The following SPOCK3 variants were observed in gnomAD, a reference collection of about 807,000 sequenced individuals.
SPOCK3 encodes testican-3.
In SPOCK3, 30 loss-of-function variants were observed where a neutral mutation model predicts 56.6. The observed-to-expected ratio is 0.53, with a 90% CI of 0.40 to 0.72. The LOEUF (loss-of-function observed/expected upper bound fraction) is 0.72, where lower values mean the gene tolerates loss of function less well. Ranked by LOEUF, SPOCK3 falls within the 30% of genes least tolerant of loss-of-function variation. SPOCK3 has a pLI of 0.00. For synonymous variants in SPOCK3, 196 were observed against 183.3 expected (o/e 1.07, Z -0.56); for missense variants, 527 against 530.0 (o/e 0.99, Z 0.06).
intron 5 of SPOCK3, among the ~76,000 whole-genome samples, chr4:166,900,588 T>C (rs1019994135): frequency 1.3e-5 from 2 of 152,186 alleles, no homozygotes; most frequent in Non-Finnish European, 2.9e-5. Context: ...CCCTGGTCGC[T>C]ATGCCCTCCA....
intron 8 of SPOCK3, among the ~76,000 whole-genome samples, chr4:166,750,936 T>C (rs1263176283): frequency 6.6e-6 from 1 of 152,144 alleles, no homozygotes; most frequent in Non-Finnish European, 1.5e-5. Flanking sequence ...AATCTCTAAG[T>C]TGGCAGCATA....
At chr4:167,102,449 T>G (rs143478910) in intron 2 of SPOCK3, 1 of 152,300 alleles carries the variant, frequency 6.6e-6, no homozygotes, top group East Asian at 1.9e-4. Flanking sequence ...TGGTTTTACT[T>G]CATATCACCA....
intron 2 of SPOCK3, among the ~76,000 whole-genome samples, chr4:167,230,411 G>T (rs1737037212): frequency 6.7e-6 from 1 of 149,634 alleles, no homozygotes; most frequent in Non-Finnish European, 1.5e-5. Context: ...CTTTACTCCT[G>T]CTCTGGGAGA....
chr4:166,793,603 C>T (rs189858959), intron 6 of SPOCK3, among the ~76,000 whole-genome samples: 2 of 152,280 alleles, frequency 1.3e-5, no homozygotes, highest in East Asian at 3.9e-4. Context: ...TAAAAGGAAT[C>T]CCCCAGTACC....
intron 6 of SPOCK3, among the ~76,000 whole-genome samples, chr4:166,854,615 A>C (rs951085417): frequency 6.6e-6 from 1 of 152,212 alleles, no homozygotes; most frequent in East Asian, 1.9e-4. Context: ...TTAAGAATTT[A>C]ATTACTGAAA....
chr4:167,030,809 T>C (rs948419713), intron 3 of SPOCK3, among the ~76,000 whole-genome samples: 3 of 151,996 alleles, frequency 2.0e-5, no homozygotes, highest in Admixed American at 1.3e-4. Flanking sequence ...AATCCTAGTT[T>C]TTAAATAAAG....
chr4:167,147,080 GA>G (rs1764025175), intron 2 of SPOCK3, among the ~76,000 whole-genome samples: 1 of 151,756 alleles, frequency 6.6e-6, no homozygotes, highest in Admixed American at 6.6e-5. Flanking sequence ...TAATAAAGAA[GA>G]AAAGAGAGAA....
rs28600783 is a variant in SPOCK3, at chr4:166,741,909, G to C, written c.994+88C>G. ...CTGAAATTTAGTGCAGTCTATCTTT[G>C]TTGGATTAATATTGATTTTATGTTG... is the stretch of plus-strand genomic sequence containing the variant. On this transcript the variant is annotated intron_variant, in intron 9 of 10. Transcript: ENST00000357545. 2,337 of 961,994 alleles carry C rather than the reference G, an allele frequency of 2.4e-3. 39 individuals are homozygous for C. The African/African-American group carries it at 0.033, about 14-fold the overall frequency. 59.6% of individuals were successfully genotyped at this position (961,994 alleles called of 1,614,324 possible).
chr4:167,020,541 C>G (rs546518255), intron 3 of SPOCK3, among the ~76,000 whole-genome samples: 1 of 152,142 alleles, frequency 6.6e-6, no homozygotes, highest in South Asian at 2.1e-4. Flanking sequence ...TGAGTTCACT[C>G]TCACTCTTCT....
chr4:167,058,495 A>T (rs1268468833), intron 3 of SPOCK3, among the ~76,000 whole-genome samples: 1 of 152,180 alleles, frequency 6.6e-6, no homozygotes, highest in Non-Finnish European at 1.5e-5. Flanking sequence ...TCAATGAAAT[A>T]AAAGAGGATA....
At chr4:166,974,654 C>T (rs1286675964) in intron 4 of SPOCK3, among the ~76,000 whole-genome samples, 1 of 152,218 alleles carries the variant, frequency 6.6e-6, no homozygotes, top group African/African-American at 2.4e-5. Flanking sequence ...CTCACTACAC[C>T]AAAAATATTT....
At chr4:166,952,679 A>G (rs928838432) in intron 4 of SPOCK3, among the ~76,000 whole-genome samples, 3 of 152,194 alleles carry the variant, frequency 2.0e-5, no homozygotes, top group African/African-American at 7.2e-5. Context: ...CCTGACTTCA[A>G]ACGATACTAC....
At chr4:167,069,839 A>G (rs910520449) in intron 2 of SPOCK3, among the ~76,000 whole-genome samples, 3 of 151,972 alleles carry the variant, frequency 2.0e-5, no homozygotes, top group Non-Finnish European at 1.5e-5. Context: ...CTGAGGAATC[A>G]TGTAGCAACT....
intron 3 of SPOCK3, among the ~76,000 whole-genome samples, chr4:167,060,732 TATC>T (rs1394109142): frequency 6.6e-6 from 1 of 152,098 alleles, no homozygotes; most frequent in East Asian, 1.9e-4. Flanking sequence ...TTGATAGTGT[TATC>T]ATATGAGTGG....
intron 2 of SPOCK3, among the ~76,000 whole-genome samples, chr4:167,223,026 ATATAT>A (rs1230082281): frequency 2.4e-4 from 29 of 121,316 alleles, no homozygotes; most frequent in South Asian, 7.3e-4. Flanking sequence ...TGAATATATA[ATATAT>A]TATATTTTAT....
chr4:167,168,787 G>A (rs1018050880), intron 2 of SPOCK3, among the ~76,000 whole-genome samples: 2 of 152,114 alleles, frequency 1.3e-5, no homozygotes, highest in Non-Finnish European at 2.9e-5. Flanking sequence ...GGCAGAGCAT[G>A]GCACAGACCT....
Position 166,734,828 on chromosome 4 carries a change from C to A in SPOCK3, c.*93G>T. On this transcript the variant is annotated 3_prime_UTR_variant, in exon 11 of 11. Transcript: ENST00000357545. ...ACAAAATATATGTGAGGTTTAGAAT[C>A]ATTTTGTTATTGGGGAAGAAGATAA... 1.9e-6 allele frequency: 2 copies of A among 1,075,666 alleles called. No homozygotes were observed. Among genetic ancestry groups the A allele is most frequent in the Admixed American group, 5.3e-5 (2 of 37,512 alleles). 66.6% of individuals were successfully genotyped at this position (1,075,666 alleles called of 1,614,324 possible).
At chr4:166,854,901 G>T (rs183526251) in intron 6 of SPOCK3, among the ~76,000 whole-genome samples, 1 of 152,070 alleles carries the variant, frequency 6.6e-6, no homozygotes, top group African/African-American at 2.4e-5. Context: ...GGAGTATTAC[G>T]TTGGGACTCA....
chr4:166,746,474 C>T (rs890094164), intron 8 of SPOCK3, among the ~76,000 whole-genome samples: 4 of 152,124 alleles, frequency 2.6e-5, no homozygotes, highest in South Asian at 2.1e-4. Flanking sequence ...CTCTGGGACA[C>T]ATTTAAAGCA....
Sources: allele counts gnomAD v4.1 joint callset (sites outside exome capture counted in the v4.1 genomes callset), GRCh38; gene constraint gnomAD v4.1.1; transcripts MANE v1.5; gene names NCBI Gene and HGNC (gene_info 2026-07-23, HGNC 2026-07-21).